JCAD: variants seen among roughly 807,000 people sequenced by gnomAD.
JCAD encodes the protein junctional cadherin 5 associated.
A neutral mutation model predicts 98.0 loss-of-function variants in JCAD; 40 were observed. The observed-to-expected ratio is 0.41, with a 90% CI of 0.32 to 0.53. JCAD has a LOEUF of 0.53. Ranked by LOEUF, JCAD falls within the 20% of genes least tolerant of loss-of-function variation. The probability of loss-of-function intolerance (pLI) is 0.31; values close to 1 mark genes in which losing one functional copy is unlikely to be tolerated. For synonymous variants in JCAD, 691 were observed against 682.3 expected (o/e 1.01, Z -0.20); for missense variants, 1,705 against 1,738.1 (o/e 0.98, Z 0.34).
intron 3 of JCAD, among the ~76,000 whole-genome samples, chr10:30,022,037 A>G (rs1372124491): frequency 6.6e-6 from 1 of 152,162 alleles, no homozygotes; most frequent in Non-Finnish European, 1.5e-5. Context: ...AGGATGATGG[A>G]ACCAGGAGGT....
At chr10:30,031,384 G>A (rs901754865) in intron 2 of JCAD, among the ~76,000 whole-genome samples, 7 of 150,436 alleles carry the variant, frequency 4.7e-5, no homozygotes, top group East Asian at 1.9e-4. Flanking sequence ...TCCCACCTCC[G>A]CCTCCTCATG....
chr10:30,112,320 A>T (rs560840923), intron 1 of JCAD, among the ~76,000 whole-genome samples: 44 of 150,048 alleles, frequency 2.9e-4, no homozygotes, highest in African/African-American at 6.4e-4. Context: ...CAAAAAATTT[A>T]AAAAAAAAAT....
chr10:30,032,383 T>A (rs1837021319), intron 2 of JCAD, among the ~76,000 whole-genome samples: 1 of 152,168 alleles, frequency 6.6e-6, no homozygotes, highest in Non-Finnish European at 1.5e-5. Context: ...ATCACAGTTC[T>A]AATGCAACCA....
chr10:30,074,248 C>G (rs1360608488), intron 1 of JCAD, among the ~76,000 whole-genome samples: 1 of 152,138 alleles, frequency 6.6e-6, no homozygotes, highest in African/African-American at 2.4e-5. Context: ...CCTTTCACCA[C>G]TTCTTCCAAG....
intron 1 of JCAD, among the ~76,000 whole-genome samples, chr10:30,082,535 G>A (rs569983913): frequency 1.3e-5 from 2 of 152,082 alleles, no homozygotes; most frequent in East Asian, 3.9e-4. Context: ...TGGCCAACAT[G>A]GTGAAACCCA....
intron 1 of JCAD, among the ~76,000 whole-genome samples, chr10:30,051,284 G>GCACA (rs58845322): frequency 0.059 from 8,683 of 146,612 alleles, 485 homozygotes; most frequent in East Asian, 0.22. Context: ...ACACACGCAC[G>GCACA]CACACACACA....
intron 1 of JCAD, among the ~76,000 whole-genome samples, chr10:30,101,656 C>T (rs1328481173): frequency 6.6e-6 from 1 of 152,076 alleles, no homozygotes; most frequent in Non-Finnish European, 1.5e-5. Flanking sequence ...GCCTGAGCCA[C>T]CACGCCCGGC....
At chr10:30,111,561 C>T (rs1011883763) in intron 1 of JCAD, among the ~76,000 whole-genome samples, 5 of 152,080 alleles carry the variant, frequency 3.3e-5, no homozygotes, top group African/African-American at 9.7e-5. Context: ...GGAGGAGATA[C>T]GTTACATTTT....
At chr10:30,020,774 G>A (rs1836646241) in intron 3 of JCAD, among the ~76,000 whole-genome samples, 1 of 152,192 alleles carries the variant, frequency 6.6e-6, no homozygotes, top group African/African-American at 2.4e-5. Flanking sequence ...CATTCTGAGA[G>A]GGTCCTCCTG....
chr10:30,038,041 CA>C (rs1397002772), intron 2 of JCAD, among the ~76,000 whole-genome samples: 4 of 151,396 alleles, frequency 2.6e-5, no homozygotes, highest in African/African-American at 9.7e-5. Context: ...GAAATGGACA[CA>C]AATTGCTCTT....
chr10:30,096,202 C>T (rs572018099), intron 1 of JCAD, among the ~76,000 whole-genome samples: 1 of 152,282 alleles, frequency 6.6e-6, no homozygotes, highest in African/African-American at 2.4e-5. Context: ...CCTGCCCCAC[C>T]GCCCCAGGTG....
At chr10:30,071,375 C>T (rs758492884) in intron 1 of JCAD, among the ~76,000 whole-genome samples, 4 of 152,172 alleles carry the variant, frequency 2.6e-5, no homozygotes, top group African/African-American at 4.8e-5. Flanking sequence ...TGGGAAACCT[C>T]TGGAAATGGT....
upstream of JCAD, among the ~76,000 whole-genome samples, chr10:30,060,168 G>A (rs115644673): frequency 5.3e-5 from 8 of 152,066 alleles, no homozygotes; most frequent in African/African-American, 1.7e-4. Flanking sequence ...ATTATGAAGA[G>A]CAGAAAACAG....
chr10:30,076,428 T>G (rs1186270535), intron 1 of JCAD, among the ~76,000 whole-genome samples: 1 of 152,224 alleles, frequency 6.6e-6, no homozygotes, highest in Non-Finnish European at 1.5e-5. Context: ...TGTACAGGTG[T>G]TTGCTGAGTG....
Position 30,027,131 on chromosome 10 carries a change from G to A in JCAD, c.3017C>T (p.Thr1006Ile), listed in dbSNP as rs1395786177. ...TGGTTTCACAGAGCTGAAAGCACTG[G>A]TGATTTTCGGACTTTCCTGGGGCTC... ...PREPQESPKI[T>I]SAFSSVKPSE... The change falls in exon 3 of 4, where the codon ACC becomes ATC. Residue 1006 changes from threonine (T) to isoleucine (I), a missense_variant. Coordinates refer to ENST00000375377, the MANE Select transcript of JCAD (RefSeq NM_020848.4). The A allele has an allele frequency of 2.5e-6, 4 of 1,614,200 alleles. No individual in the cohort carries two copies. In the Admixed American group the frequency reaches 6.7e-5, roughly 27 times the overall value.
intron 2 of JCAD, among the ~76,000 whole-genome samples, chr10:30,046,926 T>A (rs1029339818): frequency 1.3e-5 from 2 of 151,944 alleles, no homozygotes; most frequent in Non-Finnish European, 1.5e-5. Context: ...ACTCTGTCTT[T>A]ACAAAAAATA....
chr10:30,107,615 AGTAGCCATT>A (rs1476903314), intron 1 of JCAD, among the ~76,000 whole-genome samples: 1 of 152,192 alleles, frequency 6.6e-6, no homozygotes, highest in Admixed American at 6.5e-5. Context: ...CTGCCTATGA[AGTAGCCATT>A]CTTTTGTTTC....
intron 1 of JCAD, among the ~76,000 whole-genome samples, chr10:30,072,887 C>G (rs949630390): frequency 6.6e-6 from 1 of 152,144 alleles, no homozygotes; most frequent in East Asian, 1.9e-4. Context: ...CCTGTGCCAC[C>G]TCGGTCTCCT....
intron 3 of JCAD, among the ~76,000 whole-genome samples, chr10:30,023,532 T>C (rs1836712202): frequency 6.6e-6 from 1 of 152,132 alleles, no homozygotes; most frequent in African/African-American, 2.4e-5. Flanking sequence ...GTTCACACAA[T>C]GACAAAACTG....
Sources: allele counts gnomAD v4.1 joint callset (sites outside exome capture counted in the v4.1 genomes callset), GRCh38; gene constraint gnomAD v4.1.1; transcripts MANE v1.5; gene names NCBI Gene and HGNC (gene_info 2026-07-23, HGNC 2026-07-21).